The following SCAPER variants were observed in gnomAD, a reference collection of about 807,000 sequenced individuals.
SCAPER encodes S-phase cyclin A associated protein in the ER.
In SCAPER, 98 loss-of-function variants were observed where a neutral mutation model predicts 182.2. That is an observed-to-expected ratio of 0.54 (90% CI 0.46 to 0.64). SCAPER has a LOEUF of 0.64. Ranked by LOEUF, SCAPER falls within the 30% of genes least tolerant of loss-of-function variation. The pLI, the probability that SCAPER is intolerant of heterozygous loss-of-function variation, is 0.00. For synonymous variants in SCAPER, 605 were observed against 564.6 expected, an observed-to-expected ratio of 1.07 and a Z score of -1.01; for missense variants, 1,432 against 1,690.0, an observed-to-expected ratio of 0.85 and a Z score of 2.68.
chr15:76,503,870 C>A (rs780572203), intron 24 of SCAPER, among the ~76,000 whole-genome samples: 2 of 151,864 alleles, frequency 1.3e-5, no homozygotes, highest in Non-Finnish European at 1.5e-5. Flanking sequence ...ATCCAATGGA[C>A]AAATGAAGCA....
intron 5 of SCAPER, among the ~76,000 whole-genome samples, chr15:76,835,619 C>A (rs1454154665): frequency 2.0e-5 from 3 of 152,108 alleles, no homozygotes; most frequent in Non-Finnish European, 4.4e-5. Flanking sequence ...AAACTATTCC[C>A]CTTGAAAACC....
intron 22 of SCAPER, among the ~76,000 whole-genome samples, chr15:76,608,283 T>C (rs1032170768): frequency 6.6e-6 from 1 of 152,226 alleles, no homozygotes; most frequent in Admixed American, 6.5e-5. Flanking sequence ...AGAGGTCCAC[T>C]CCAGACACTG....
At chr15:76,559,916 A>ATGTG (rs147544967) in intron 23 of SCAPER, among the ~76,000 whole-genome samples, 2 of 150,918 alleles carry the variant, frequency 1.3e-5, no homozygotes, top group African/African-American at 2.4e-5. Flanking sequence ...CAACTTGTAT[A>ATGTG]TGTGTGTGTG....
At position 76,528,830 on chromosome 15, in the gene SCAPER, A is replaced by G. The variant is rs62030362; in HGVS notation, c.2839-23856T>C. Among the ~76,000 whole-genome samples the G allele has an allele frequency of 2.7e-3, 407 of 152,192 alleles. 1 individual carries two copies. The highest frequency in any genetic ancestry group is 4.9e-3 in the Non-Finnish European group (332 of 68,012). ...CTAACCAGTCCCTGATTATCTCTCT[A>G]GTCTCATCATTTACCATTCCCAACC... On this transcript the variant is annotated intron_variant, in intron 23 of 31. Transcript: ENST00000563290.
At chr15:76,773,685 G>A (rs545103519) in intron 9 of SCAPER, among the ~76,000 whole-genome samples, 15 of 151,864 alleles carry the variant, frequency 9.9e-5, no homozygotes, top group African/African-American at 1.9e-4. Flanking sequence ...TTTATAGATC[G>A]GAAACAATGT....
intron 5 of SCAPER, among the ~76,000 whole-genome samples, chr15:76,836,048 GA>G (rs374097194): frequency 1.4e-3 from 212 of 151,520 alleles, no homozygotes; most frequent in African/African-American, 4.8e-3. Context: ...CAAACAAATG[GA>G]AACATATTCC....
At chr15:76,471,605 C>G (rs1315025709) in intron 24 of SCAPER, among the ~76,000 whole-genome samples, 1 of 152,162 alleles carries the variant, frequency 6.6e-6, no homozygotes, top group Non-Finnish European at 1.5e-5. Flanking sequence ...TTTTACCAGT[C>G]TATGACAGTT....
rs2050052776 is a variant in SCAPER at position 76,603,132 on chromosome 15, C to A, written c.2711+18632G>T. On this transcript the variant is annotated intron_variant, in intron 22 of 31. Coordinates refer to ENST00000563290, the MANE Select transcript of SCAPER (RefSeq NM_020843.4). ...CATGTGCCACGTTGGTGTGCTGCAC[C>A]CATTAACTCGTCATTTAGCATTAGG... 2.6e-5 allele frequency among the ~76,000 whole-genome samples: 3 copies of A among 117,402 alleles called. 1 individual carries two copies. The highest frequency in any genetic ancestry group is 7.7e-5 in the African/African-American group (3 of 38,940). 77.0% of individuals were successfully genotyped at this position (117,402 alleles called of 152,430 possible).
At chr15:76,793,614 G>C (rs1207308415) in intron 8 of SCAPER, among the ~76,000 whole-genome samples, 1 of 152,198 alleles carries the variant, frequency 6.6e-6, no homozygotes, top group East Asian at 1.9e-4. Context: ...TGTGTGCCTG[G>C]AGAAGGCATG....
At chr15:76,674,767 C>T (rs1337944910) in intron 20 of SCAPER, among the ~76,000 whole-genome samples, 2 of 152,152 alleles carry the variant, frequency 1.3e-5, no homozygotes, top group East Asian at 3.8e-4. Context: ...TATTTTGGTG[C>T]TTCTATAGCA....
chr15:76,859,721 G>GGTTTT (rs747277917), intron 3 of SCAPER, among the ~76,000 whole-genome samples: 28 of 151,850 alleles, frequency 1.8e-4, no homozygotes, highest in Admixed American at 8.5e-4. Flanking sequence ...CAGTTTTTTG[G>GGTTTT]GTTTTGTTTT....
intron 23 of SCAPER, among the ~76,000 whole-genome samples, chr15:76,527,386 C>T (rs563254499): frequency 1.6e-4 from 24 of 152,194 alleles, no homozygotes; most frequent in African/African-American, 4.3e-4. Context: ...TCCTTGGGCA[C>T]CTAGGGCTCC....
At chr15:76,651,643 A>C (rs1434987046) in intron 21 of SCAPER, among the ~76,000 whole-genome samples, 3 of 151,782 alleles carry the variant, frequency 2.0e-5, no homozygotes, top group East Asian at 3.9e-4. Flanking sequence ...AAAAAAAAAA[A>C]AAACCCTTGA....
At chr15:76,892,550 G>A (rs556796888) in intron 1 of SCAPER, among the ~76,000 whole-genome samples, 1 of 152,300 alleles carries the variant, frequency 6.6e-6, no homozygotes, top group African/African-American at 2.4e-5. Flanking sequence ...CATTTATACA[G>A]CCAACAGACA....
chr15:76,809,046 A>T (rs1449684654), intron 5 of SCAPER, among the ~76,000 whole-genome samples: 3 of 152,186 alleles, frequency 2.0e-5, no homozygotes. Context: ...GCATACCCTA[A>T]TCTGGGGACC....
At chr15:76,433,156 T>G (rs968496407) in intron 26 of SCAPER, among the ~76,000 whole-genome samples, 1 of 151,884 alleles carries the variant, frequency 6.6e-6, no homozygotes, top group Admixed American at 6.6e-5. Flanking sequence ...TTGGAAAGAG[T>G]TGACATCAAG....
chr15:76,650,344 C>A (rs937201902), intron 21 of SCAPER, among the ~76,000 whole-genome samples: 10 of 151,248 alleles, frequency 6.6e-5, no homozygotes, highest in Admixed American at 6.6e-5. Context: ...ATGCAAAAAA[C>A]AAATTTTAAA....
Position 76,567,856 on chromosome 15 carries a change from A to G in SCAPER, c.2838+6302T>C, listed in dbSNP as rs1339531142. On this transcript the variant is annotated intron_variant, in intron 23 of 31. Coordinates refer to ENST00000563290, the MANE Select transcript of SCAPER (RefSeq NM_020843.4). ...TCTTCCTGGTGCCTTTTGATGAACA[A>G]AAGTTCTTATTTTCAGTGCAGCCCA... Among the ~76,000 whole-genome samples, 4 of 152,118 alleles carry G rather than the reference A, an allele frequency of 2.6e-5. No individual in the cohort carries two copies. The South Asian group carries it at 8.3e-4, about 32-fold the overall frequency.
Position 76,528,699 on chromosome 15 carries a change from C to T in SCAPER, c.2839-23725G>A, listed in dbSNP as rs535294948. Among the ~76,000 whole-genome samples, 6 of 152,318 alleles carry T rather than the reference C, an allele frequency of 3.9e-5. No homozygotes were observed. The South Asian group carries it at 1.2e-3, about 32-fold the overall frequency. On this transcript the variant is annotated intron_variant, in intron 23 of 31. Coordinates refer to ENST00000563290, the MANE Select transcript of SCAPER (RefSeq NM_020843.4). ...GGTTTTCTGCTATAGGTTTGCCTTC[C>T]TCCAATCTACTCACCACATTGCAGC...
Sources: allele counts gnomAD v4.1 joint callset (sites outside exome capture counted in the v4.1 genomes callset), GRCh38; gene constraint gnomAD v4.1.1; transcripts MANE v1.5; gene names NCBI Gene and HGNC (gene_info 2026-07-23, HGNC 2026-07-21).